EMC3: variants seen among roughly 807,000 people sequenced by gnomAD.
EMC3 encodes the protein 30 kDa protein.
In EMC3, 13 loss-of-function variants were observed where a neutral mutation model predicts 36.6. The observed-to-expected ratio is 0.35, with a 90% CI of 0.23 to 0.56. The LOEUF (loss-of-function observed/expected upper bound fraction) is 0.56, where lower values mean the gene tolerates loss of function less well. Ranked by LOEUF, EMC3 falls within the 20% of genes least tolerant of loss-of-function variation. EMC3 has a pLI of 0.84. For synonymous variants in EMC3, 120 were observed against 111.9 expected (o/e 1.07, Z -0.46); for missense variants, 220 against 324.5 (o/e 0.68, Z 2.47).
chr3:9,990,858 T>G (rs2086041601), upstream of EMC3, among the ~76,000 whole-genome samples: 1 of 149,912 alleles, frequency 6.7e-6, no homozygotes, highest in Non-Finnish European at 1.5e-5. Flanking sequence ...TGAGACGGAG[T>G]CTCGCTGTCG....
At chr3:9,988,606 A>G, upstream of EMC3, 1 of 906,324 alleles carries the variant, frequency 1.1e-6, no homozygotes, top group Non-Finnish European at 1.8e-6. Context: ...GATGGTTGCC[A>G]TATGGACACA....
intron 2 of EMC3, among the ~76,000 whole-genome samples, 158 bp downstream of exon 2, chr3:9,977,231 G>A (rs556317070): frequency 2.0e-5 from 3 of 152,226 alleles, no homozygotes; most frequent in East Asian, 1.9e-4. Flanking sequence ...AATTTCCTAA[G>A]AAGGGTGAGG....
intron 1 of EMC3, chr3:10,000,568 C>G (rs1233760930): frequency 3.2e-6 from 1 of 317,052 alleles, no homozygotes; most frequent in Non-Finnish European, 6.4e-6. Context: ...TGTATGAGAT[C>G]TATTAAAGTA....
chr3:10,009,350 T>C (rs562026718), intron 1 of EMC3, among the ~76,000 whole-genome samples: 1 of 152,134 alleles, frequency 6.6e-6, no homozygotes, highest in East Asian at 1.9e-4. Flanking sequence ...ATGATGAAAA[T>C]CTAGAAACAG....
intron 1 of EMC3, among the ~76,000 whole-genome samples, chr3:10,006,235 C>T (rs543978985): frequency 6.2e-4 from 94 of 152,338 alleles, no homozygotes; most frequent in Non-Finnish European, 4.3e-4. Flanking sequence ...GAGGCTGTGA[C>T]GTCAGCCTGC....
intron 1 of EMC3, among the ~76,000 whole-genome samples, chr3:9,983,225 G>A (rs1002158320): frequency 6.6e-6 from 1 of 151,210 alleles, no homozygotes; most frequent in East Asian, 2.0e-4. Flanking sequence ...TCGGCTCTCT[G>A]TAACCTCTAC....
intron 1 of EMC3, among the ~76,000 whole-genome samples, chr3:9,979,895 C>G (rs1172887876): frequency 1.3e-5 from 2 of 151,984 alleles, no homozygotes; most frequent in African/African-American, 4.8e-5. Flanking sequence ...CACTCTGCCT[C>G]TGAGGACCTG....
chr3:9,984,226 C>A (rs1349863773), intron 1 of EMC3, among the ~76,000 whole-genome samples: 1 of 151,850 alleles, frequency 6.6e-6, no homozygotes, highest in Non-Finnish European at 1.5e-5. Context: ...GGACTACAGG[C>A]ACGTGCCATC....
intron 1 of EMC3, chr3:10,000,919 A>G: frequency 2.4e-6 from 1 of 424,578 alleles, no homozygotes. Flanking sequence ...CTTCTGAACA[A>G]AAATCTTGCT....
intron 3 of EMC3, among the ~76,000 whole-genome samples, chr3:9,975,443 T>A (rs2085836766): frequency 6.6e-6 from 1 of 151,938 alleles, no homozygotes. Flanking sequence ...GGAGCCTAAC[T>A]TCCTCGACCT....
At chr3:9,977,584 C>T in intron 1 of EMC3, 138 bp from the exon 2 acceptor site, 1 of 640,854 alleles carries the variant, frequency 1.6e-6, no homozygotes, top group Non-Finnish European at 2.6e-6. Context: ...TCCCAAAATA[C>T]AAGTATCTTT....
rs2085843933 is a variant in EMC3, at chr3:9,975,851, A to G, written c.307+1106T>C. Among the ~76,000 whole-genome samples, 4 of 151,214 alleles carry G rather than the reference A, an allele frequency of 2.6e-5. 1 individual carries two copies. Among genetic ancestry groups the G allele is most frequent in the Admixed American group, 2.6e-4 (4 of 15,158 alleles). ...AAAAAAAAAAAGATATCTTGTTTTA[A>G]TTGATATTCCATGGATTATTAGTGA... On this transcript the variant is annotated intron_variant, in intron 3 of 7. Coordinates refer to ENST00000245046, the MANE Select transcript of EMC3 (RefSeq NM_001394674.1).
At chr3:9,968,111 G>A (rs948833199) in intron 7 of EMC3, among the ~76,000 whole-genome samples, 3 of 152,278 alleles carry the variant, frequency 2.0e-5, no homozygotes, top group Admixed American at 1.3e-4. Context: ...TAGTAGAGAT[G>A]GCGTTTCGCC....
Position 10,007,369 on chromosome 3 carries a change from T to C in EMC3, c.-242+3654A>G, listed in dbSNP as rs532545667. On this transcript the variant is annotated intron_variant, in intron 1 of 8. Coordinates refer to the EMC3 transcript ENST00000470827. ...TCATGCTGAGAGGTCCCCAGGAGGA[T>C]CCTGAAGCCCTGGGAACCAGACTGT... 8.4e-5 allele frequency: 115 copies of C among 1,362,896 alleles called. 1 individual carries two copies. In the South Asian group the frequency reaches 1.3e-3, roughly 15 times the overall value. The allele number at this position is 1,362,896 out of a possible 1,614,324, so 84.4% of individuals were successfully genotyped here.
chr3:9,974,044 C>T (rs558713310), intron 4 of EMC3, among the ~76,000 whole-genome samples: 5 of 152,202 alleles, frequency 3.3e-5, no homozygotes, highest in South Asian at 4.2e-4. Flanking sequence ...TGATTAAAAG[C>T]GAATCAACTT....
At chr3:9,977,337 C>A (rs2085860780) in intron 2 of EMC3, 52 bp downstream of exon 2, 1 of 1,529,846 alleles carries the variant, frequency 6.5e-7, no homozygotes, top group Non-Finnish European at 8.9e-7. Context: ...ATTCAGATAT[C>A]TACTGCCCAA....
chr3:9,988,364 A>G (rs2086004087), upstream of EMC3: 5 of 1,114,306 alleles, frequency 4.5e-6, no homozygotes, highest in South Asian at 2.5e-5. Flanking sequence ...CCTCTCTGCT[A>G]CTTGTAATTC....
intron 1 of EMC3, chr3:10,007,074 C>T (rs2086270868): frequency 3.2e-6 from 1 of 307,714 alleles, no homozygotes; most frequent in Non-Finnish European, 6.4e-6. Context: ...TTGCACAGAA[C>T]GAGGGCTGTG....
intron 1 of EMC3, among the ~76,000 whole-genome samples, chr3:10,002,201 T>C (rs2086209417): frequency 1.3e-5 from 2 of 152,178 alleles, no homozygotes; most frequent in African/African-American, 4.8e-5. Context: ...ATTAAGAATA[T>C]TGAGTGTCTT....
Sources: gnomAD v4.1 joint callset for allele counts (sites outside exome capture counted in the v4.1 genomes callset) on GRCh38, gnomAD v4.1.1 for gene constraint, MANE v1.5 for transcripts, NCBI Gene and HGNC (gene_info 2026-07-23, HGNC 2026-07-21) for gene names.